The following PTPRN2 variants were observed in gnomAD, a reference collection of about 807,000 sequenced individuals.
PTPRN2 encodes receptor-type tyrosine-protein phosphatase N2.
A neutral mutation model predicts 118.8 loss-of-function variants in PTPRN2; 74 were observed. That is an observed-to-expected ratio of 0.62 (90% CI 0.52 to 0.76). The LOEUF (loss-of-function observed/expected upper bound fraction) is 0.76. PTPRN2 is among the 30% of genes least tolerant of loss of function. The pLI, the probability that PTPRN2 is intolerant of heterozygous loss-of-function variation, is 0.00. For synonymous variants in PTPRN2, 641 were observed against 608.0 expected, an observed-to-expected ratio of 1.05 and a Z score of -0.80; for missense variants, 1,481 against 1,394.4, an observed-to-expected ratio of 1.06 and a Z score of -0.99.
intron 2 of PTPRN2, among the ~76,000 whole-genome samples, chr7:158,334,591 C>T (rs62480927): frequency 0.29 from 12,093 of 41,172 alleles, 1,275 homozygotes; most frequent in Non-Finnish European, 0.35. Context: ...TCACTCACAC[C>T]CACACTCTCA....
rs1800724229 is a variant in PTPRN2 at position 157,587,182 on chromosome 7, A to C, written c.2496+8056T>G. 1.4e-5 allele frequency among the ~76,000 whole-genome samples: 2 copies of C among 147,654 alleles called. No individual in the cohort carries two copies. Among genetic ancestry groups the C allele is most frequent in the Admixed American group, 1.4e-4 (2 of 14,294 alleles). On this transcript the variant is annotated intron_variant, in intron 17 of 22. Coordinates refer to ENST00000389418, the MANE Select transcript of PTPRN2 (RefSeq NM_002847.5). This position sits in a 1 kb window ranked among gnomAD's most constrained non-coding sequence, Gnocchi z 5.3. ...AGGCAGGCAGACAGACAAGACAGGC[A>C]GATAGAGACAAGACAGGCAGGCAGA...
chr7:157,682,111 G>T (rs1436412502), intron 13 of PTPRN2, among the ~76,000 whole-genome samples: 1 of 152,186 alleles, frequency 6.6e-6, no homozygotes, highest in Non-Finnish European at 1.5e-5. Flanking sequence ...GAAACTCTGT[G>T]GTTTTTTAAA....
chr7:158,522,473 A>G (rs10278868), intron 1 of PTPRN2, among the ~76,000 whole-genome samples: 43,945 of 94,100 alleles, frequency 0.47, 12,917 homozygotes, highest in East Asian at 0.65. Context: ...GGTCCACGTC[A>G]GAATGGTGGA....
rs371143614 is a variant in PTPRN2 at position 158,583,353 on chromosome 7, A to T, written c.112+4205T>A. 2.6e-4 allele frequency among the ~76,000 whole-genome samples: 40 copies of T among 152,132 alleles called. 1 individual carries two copies. The South Asian group carries it at 8.1e-3, about 31-fold the overall frequency. On this transcript the variant is annotated intron_variant, in intron 1 of 22. Coordinates refer to ENST00000389418, the MANE Select transcript of PTPRN2 (RefSeq NM_002847.5). ...CCCTATTCTTCACAGGAAGCTGGAG[A>T]CCCAACATGCTGACATGTTTCATAG...
At chr7:158,482,246 A>T (rs1406537840) in intron 2 of PTPRN2, among the ~76,000 whole-genome samples, 1 of 152,260 alleles carries the variant, frequency 6.6e-6, no homozygotes, top group African/African-American at 2.4e-5. Flanking sequence ...AGGCAGTGGC[A>T]GGGGTTGAAA....
intron 13 of PTPRN2, among the ~76,000 whole-genome samples, chr7:157,675,787 A>G (rs1796638379): frequency 6.6e-6 from 1 of 152,130 alleles, no homozygotes; most frequent in Non-Finnish European, 1.5e-5. Flanking sequence ...CCTCATCCGC[A>G]TGGCGGCCCA....
intron 1 of PTPRN2, among the ~76,000 whole-genome samples, chr7:158,547,600 G>A (rs1161798571): frequency 6.6e-6 from 1 of 152,236 alleles, no homozygotes; most frequent in African/African-American, 2.4e-5. Flanking sequence ...CTGGCTTCAA[G>A]GGAAAGGGGC....
chr7:158,354,612 G>A (rs1342648973), intron 2 of PTPRN2, among the ~76,000 whole-genome samples: 1 of 152,156 alleles, frequency 6.6e-6, no homozygotes. Flanking sequence ...GAAAGAATCA[G>A]TGAGCTCAAA....
chr7:158,089,359 C>G (rs1245265496), intron 10 of PTPRN2, among the ~76,000 whole-genome samples: 3 of 39,618 alleles, frequency 7.6e-5, no homozygotes, highest in Non-Finnish European at 1.7e-4. Context: ...AAGAGGGAGT[C>G]TTCACACAAA....
intron 12 of PTPRN2, among the ~76,000 whole-genome samples, chr7:157,743,266 C>T (rs566272532): frequency 8.5e-5 from 13 of 152,226 alleles, no homozygotes; most frequent in East Asian, 5.8e-4. Context: ...CCAGTGGGTT[C>T]GAATGTCAGC....
chr7:158,071,567 CCTGGTGG>C (rs1811695565), intron 11 of PTPRN2, among the ~76,000 whole-genome samples: 4 of 7,784 alleles, frequency 5.1e-4, no homozygotes, highest in Non-Finnish European at 1.1e-3. Flanking sequence ...TGGAGGTGCT[CCTGGTGG>C]AGGTGCTCCT....
At chr7:157,651,026 T>C (rs1585174181) in intron 14 of PTPRN2, among the ~76,000 whole-genome samples, 1 of 152,174 alleles carries the variant, frequency 6.6e-6, no homozygotes, top group East Asian at 1.9e-4. Context: ...GGTCACAGCT[T>C]GTGCCGGCAT....
intron 12 of PTPRN2, among the ~76,000 whole-genome samples, chr7:157,759,414 A>G (rs183110530): frequency 7.4e-4 from 112 of 152,306 alleles, no homozygotes; most frequent in African/African-American, 2.6e-3. Flanking sequence ...AGGTGGGAGA[A>G]CCCGAGGTGG....
Position 158,180,123 on chromosome 7 carries a change from G to A in PTPRN2, c.549+12204C>T, listed in dbSNP as rs77900194. On this transcript the variant is annotated intron_variant, in intron 5 of 22. Transcript: ENST00000389418. ...TTTCCTGGGCAAAGCCAAGAACCCTGGTGGGCTAAGCCCCACTTTGGGGCT... is the reference window on the plus strand; with the variant it reads ...TTTCCTGGGCAAAGCCAAGAACCCTAGTGGGCTAAGCCCCACTTTGGGGCT... Among the ~76,000 whole-genome samples the A allele has an allele frequency of 3.7e-4, 57 of 152,336 alleles. 1 individual carries two copies. The East Asian group carries it at 0.01, about 27-fold the overall frequency.
Position 158,015,454 on chromosome 7 carries a change from TGAGAGA to T in PTPRN2, c.1723+65838_1723+65843del, listed in dbSNP as rs147111668. Among the ~76,000 whole-genome samples, 1 of 127,652 alleles carries T rather than the reference TGAGAGA, an allele frequency of 7.8e-6. No homozygotes were observed. The highest frequency in any genetic ancestry group is 3.0e-5 in the African/African-American group (1 of 33,376). 83.7% of individuals were successfully genotyped at this position (127,652 alleles called of 152,430 possible). On this transcript the variant is annotated intron_variant, in intron 11 of 22. Transcript: ENST00000389418. The surrounding 1 kb of genome is among the most constrained non-coding windows in gnomAD (Gnocchi z 4.2). Reference sequence around the variant, plus strand: ...AGGGAAAAAGTGAGAGGAGGGGTGGTGAGAGAGAGAGAGAGAGGAAGAGAGGGAGAG... The same window carrying T: ...AGGGAAAAAGTGAGAGGAGGGGTGGTGAGAGAGAGAGGAAGAGAGGGAGAG...
chr7:157,858,044 C>CT (rs1809860017), intron 12 of PTPRN2, among the ~76,000 whole-genome samples: 1 of 151,070 alleles, frequency 6.6e-6, no homozygotes, highest in African/African-American at 2.4e-5. Flanking sequence ...CTGAGTCAGC[C>CT]CCCCAGCTAC....
intron 13 of PTPRN2, among the ~76,000 whole-genome samples, chr7:157,664,523 T>C (rs1276900076): frequency 1.3e-5 from 2 of 152,210 alleles, no homozygotes; most frequent in Non-Finnish European, 2.9e-5. Flanking sequence ...TCCCAGCACT[T>C]TGGGAAGTAG....
At chr7:158,310,470 C>A (rs1260307077) in intron 3 of PTPRN2, among the ~76,000 whole-genome samples, 4 of 152,222 alleles carry the variant, frequency 2.6e-5, no homozygotes, top group South Asian at 2.1e-4. Context: ...CGAATGCGTT[C>A]ATGCTCTGGG....
chr7:158,165,134 AAAGAGT>A (rs1822827050), intron 6 of PTPRN2, among the ~76,000 whole-genome samples: 3 of 28,304 alleles, frequency 1.1e-4, no homozygotes, highest in East Asian at 2.3e-3. Context: ...TCTAGTACAC[AAAGAGT>A]GCAGGAGGCA....
Sources: allele counts gnomAD v4.1 joint callset (sites outside exome capture counted in the v4.1 genomes callset), GRCh38; gene constraint gnomAD v4.1.1; non-coding constraint Gnocchi (gnomAD v3.1); transcripts MANE v1.5; gene names NCBI Gene and HGNC (gene_info 2026-07-23, HGNC 2026-07-21).